The following TRPM3 variants were observed in gnomAD, a reference collection of about 807,000 sequenced individuals.
TRPM3 encodes the protein long transient receptor potential channel 3.
TRPM3 carries 77 observed loss-of-function variants against 181.2 expected under a neutral mutation model. The ratio of observed to expected loss-of-function variants is 0.42; its 90% CI spans 0.35 to 0.51. The LOEUF is 0.51. Among genes scored for constraint, TRPM3 ranks in the 20% least tolerant of loss-of-function variants. The probability of loss-of-function intolerance (pLI) is 0.01; values close to 1 mark genes in which losing one functional copy is unlikely to be tolerated. For missense variants in TRPM3, 1,759 were observed against 2,196.7 expected (o/e 0.80, Z 3.98); for synonymous variants, 745 against 796.4 (o/e 0.94, Z 1.09).
intron 7 of TRPM3, among the ~76,000 whole-genome samples, chr9:70,770,110 G>A (rs1467747497): frequency 1.1e-5 from 1 of 94,560 alleles, no homozygotes; most frequent in African/African-American, 2.8e-5. Context: ...AACTCAAAGG[G>A]TGTTTAGAAA....
rs560789513 is a variant in TRPM3 at position 71,265,628 on chromosome 9, T to C, written c.183+181025A>G. On this transcript the variant is annotated intron_variant, in intron 1 of 24. Coordinates refer to the TRPM3 transcript ENST00000357533. ...TCAAACATCTGTTCTCAAGAGTTGT[T>C]CAAGCCTATGTTAATTGCTTACACT... 8.5e-5 allele frequency among the ~76,000 whole-genome samples: 13 copies of C among 152,346 alleles called. No homozygotes were observed. The South Asian group carries it at 1.7e-3, about 19-fold the overall frequency.
At chr9:70,645,362 T>A (rs187155822) in intron 9 of TRPM3, among the ~76,000 whole-genome samples, 1 of 152,140 alleles carries the variant, frequency 6.6e-6, no homozygotes, top group Non-Finnish European at 1.5e-5. Context: ...AAAACAGATA[T>A]ATATATCAAT....
At chr9:71,024,495 C>T (rs1449540145) in intron 1 of TRPM3, among the ~76,000 whole-genome samples, 1 of 152,144 alleles carries the variant, frequency 6.6e-6, no homozygotes, top group Non-Finnish European at 1.5e-5. Context: ...GAGCAGAATA[C>T]ATCACTACCC....
intron 6 of TRPM3, among the ~76,000 whole-genome samples, chr9:70,790,161 C>T (rs1002457633): frequency 2.0e-5 from 3 of 152,110 alleles, no homozygotes; most frequent in Non-Finnish European, 4.4e-5. Flanking sequence ...GTCAAGGTCA[C>T]CCACAGATGA....
At chr9:71,289,622 T>A (rs930742867) in intron 1 of TRPM3, among the ~76,000 whole-genome samples, 4 of 151,962 alleles carry the variant, frequency 2.6e-5, no homozygotes, top group African/African-American at 9.7e-5. Flanking sequence ...AATCCCAACA[T>A]TGTGGGAGGC....
chr9:70,883,342 C>T (rs2132719676), intron 1 of TRPM3, among the ~76,000 whole-genome samples: 1 of 152,320 alleles, frequency 6.6e-6, no homozygotes, highest in South Asian at 2.1e-4. Context: ...TAGAAACTTA[C>T]AGGAGGCATG....
chr9:71,308,472 A>G (rs2087597227), intron 1 of TRPM3, among the ~76,000 whole-genome samples: 1 of 152,188 alleles, frequency 6.6e-6, no homozygotes, highest in African/African-American at 2.4e-5. Flanking sequence ...TTCAGGCAGA[A>G]TCTAGTTGTC....
intron 8 of TRPM3, among the ~76,000 whole-genome samples, chr9:70,737,685 C>T (rs891607977): frequency 1.4e-5 from 2 of 146,780 alleles, no homozygotes; most frequent in Admixed American, 1.4e-4. Context: ...AAAAATATTC[C>T]ATGCAAATGG....
At chr9:71,138,058 G>A (rs2074873888) in intron 1 of TRPM3, among the ~76,000 whole-genome samples, 1 of 151,798 alleles carries the variant, frequency 6.6e-6, no homozygotes, top group East Asian at 1.9e-4. Flanking sequence ...AGGTTGGAGT[G>A]AGCCGAGATC....
chr9:70,541,062 A>G (rs1203396786), intron 25 of TRPM3, among the ~76,000 whole-genome samples: 1 of 152,194 alleles, frequency 6.6e-6, no homozygotes, highest in East Asian at 1.9e-4. Flanking sequence ...GCCTGGACGT[A>G]GGCAGTAAAC....
At chr9:71,339,481 A>T (rs993505902) in intron 1 of TRPM3, among the ~76,000 whole-genome samples, 31 of 150,816 alleles carry the variant, frequency 2.1e-4, no homozygotes, top group African/African-American at 6.8e-4. Flanking sequence ...TGAATTGACA[A>T]GCCAATGGAA....
chr9:70,813,905 A>G (rs527909450), intron 6 of TRPM3, among the ~76,000 whole-genome samples: 3 of 152,108 alleles, frequency 2.0e-5, no homozygotes, highest in African/African-American at 7.2e-5. Flanking sequence ...TTACAATAGC[A>G]CTCAATCAAC....
chr9:71,430,061 T>G (rs1199621696), intron 1 of TRPM3, among the ~76,000 whole-genome samples: 2 of 152,190 alleles, frequency 1.3e-5, no homozygotes, highest in Non-Finnish European at 2.9e-5. Flanking sequence ...TCTTGCTTTA[T>G]TTTTCCTCAC....
At chr9:70,937,798 T>C (rs571019240) in intron 1 of TRPM3, among the ~76,000 whole-genome samples, 1 of 150,982 alleles carries the variant, frequency 6.6e-6, no homozygotes, top group Non-Finnish European at 1.5e-5. Context: ...ACACTCATAG[T>C]CCTGTGTGAT....
At chr9:71,072,863 G>A (rs2062957843) in intron 1 of TRPM3, among the ~76,000 whole-genome samples, 1 of 152,144 alleles carries the variant, frequency 6.6e-6, no homozygotes, top group South Asian at 2.1e-4. Context: ...CACATCTGAA[G>A]CCTGTTAGCA....
At chr9:70,974,892 G>C (rs1156568465) in intron 1 of TRPM3, among the ~76,000 whole-genome samples, 4 of 83,606 alleles carry the variant, frequency 4.8e-5, no homozygotes, top group Non-Finnish European at 5.1e-5. Flanking sequence ...TTGAGGTAGA[G>C]TCTTGCTCTG....
chr9:70,781,094 G>GAT (rs1470463734), intron 7 of TRPM3, among the ~76,000 whole-genome samples: 2 of 152,012 alleles, frequency 1.3e-5, no homozygotes, highest in African/African-American at 4.8e-5. Context: ...GGGAGGCCAG[G>GAT]GTGGGAGGAT....
intron 1 of TRPM3, among the ~76,000 whole-genome samples, chr9:70,939,481 C>A (rs540699955): frequency 8.5e-5 from 13 of 152,290 alleles, no homozygotes; most frequent in African/African-American, 3.1e-4. Context: ...AACATAGGAT[C>A]TGAATAGCAA....
intron 1 of TRPM3, among the ~76,000 whole-genome samples, chr9:71,215,917 A>G (rs2079835396): frequency 6.6e-6 from 1 of 152,210 alleles, no homozygotes; most frequent in Non-Finnish European, 1.5e-5. Flanking sequence ...ATCCATGGCA[A>G]TGTCTGCCCC....
Sources: allele counts gnomAD v4.1 joint callset (sites outside exome capture counted in the v4.1 genomes callset), GRCh38; gene constraint gnomAD v4.1.1; transcripts MANE v1.5; gene names NCBI Gene and HGNC (gene_info 2026-07-23, HGNC 2026-07-21).